SAMMSON: variants seen among roughly 807,000 people sequenced by gnomAD.
SAMMSON encodes the protein survival associated mitochondrial melanoma specific oncogenic non-coding RNA.
intron 1 of SAMMSON, among the ~76,000 whole-genome samples, chr3:70,008,273 C>A (rs1368753352): frequency 6.6e-6 from 1 of 152,188 alleles, no homozygotes; most frequent in Non-Finnish European, 1.5e-5. Context: ...TCTTCCTACC[C>A]ATGAGCATGG....
At chr3:70,247,471 T>C (rs1701718217) in intron 4 of SAMMSON, among the ~76,000 whole-genome samples, 1 of 151,724 alleles carries the variant, frequency 6.6e-6, no homozygotes, top group South Asian at 2.1e-4. Context: ...TCATATAATA[T>C]ATATTATCTA....
intron 9 of SAMMSON, among the ~76,000 whole-genome samples, chr3:70,362,069 T>C (rs915111816): frequency 4.6e-5 from 7 of 152,180 alleles, no homozygotes; most frequent in African/African-American, 1.7e-4. Context: ...AACCATCATT[T>C]ACAATTCTGT....
At chr3:70,003,137 A>G (rs1343665377) in intron 1 of SAMMSON, among the ~76,000 whole-genome samples, 1 of 152,064 alleles carries the variant, frequency 6.6e-6, no homozygotes, top group East Asian at 1.9e-4. Flanking sequence ...GACAGAAAAT[A>G]TATTTTGTTT....
At position 70,092,427 on chromosome 3, in the gene SAMMSON, T is replaced by C. The variant is rs77150895; in HGVS notation, n.507+20862T>C. Reference sequence around the variant, plus strand: ...ACTTCTACATTCCATTTCATCATCTTTCTTGATCAAACTCATGCTGTTTTT... The same window carrying C: ...ACTTCTACATTCCATTTCATCATCTCTCTTGATCAAACTCATGCTGTTTTT... On this transcript the variant is annotated intron_variant and non_coding_transcript_variant, in intron 4 of 9. Transcript: ENST00000642114. Among the ~76,000 whole-genome samples, 295 of 143,510 alleles carry C rather than the reference T, an allele frequency of 2.1e-3. 2 individuals are homozygous for C. Among genetic ancestry groups the C allele is most frequent in the African/African-American group, 7.4e-3 (286 of 38,450 alleles). 94.1% of individuals were successfully genotyped at this position (143,510 alleles called of 152,430 possible).
At chr3:70,234,631 C>T (rs1210913964) in intron 4 of SAMMSON, among the ~76,000 whole-genome samples, 1 of 148,704 alleles carries the variant, frequency 6.7e-6, no homozygotes, top group South Asian at 2.1e-4. Flanking sequence ...CCAAGTGAGA[C>T]CCTGGCTCAA....
chr3:70,241,719 G>A (rs899595302), intron 4 of SAMMSON, among the ~76,000 whole-genome samples: 4 of 152,172 alleles, frequency 2.6e-5, no homozygotes, highest in South Asian at 2.1e-4. Flanking sequence ...TAAACATTGC[G>A]GCTACTAAGG....
At chr3:70,225,211 TAAGAG>T (rs1264889167) in intron 4 of SAMMSON, among the ~76,000 whole-genome samples, 3 of 152,198 alleles carry the variant, frequency 2.0e-5, no homozygotes, top group African/African-American at 7.2e-5. Context: ...TTTGGTTTAA[TAAGAG>T]AAATGTATAA....
intron 4 of SAMMSON, chr3:70,125,123 T>G (rs2106669794): frequency 1.4e-6 from 2 of 1,481,044 alleles, no homozygotes; most frequent in East Asian, 4.5e-5. Flanking sequence ...TCGAGCAAAT[T>G]GAACCACCAT....
intron 3 of SAMMSON, among the ~76,000 whole-genome samples, chr3:70,033,094 C>G (rs1254863523): frequency 2.0e-5 from 3 of 152,036 alleles, no homozygotes; most frequent in Admixed American, 2.0e-4. Flanking sequence ...TAACATCTGA[C>G]GTGAGGGGAT....
intron 9 of SAMMSON, among the ~76,000 whole-genome samples, chr3:70,367,052 C>T (rs755867487): frequency 2.0e-5 from 3 of 151,592 alleles, no homozygotes; most frequent in Non-Finnish European, 3.0e-5. Flanking sequence ...TATAATTGTA[C>T]ATATTTATGG....
intron 3 of SAMMSON, chr3:70,014,828 TGTTA>T (rs1473786282): frequency 6.6e-6 from 1 of 152,136 alleles, no homozygotes; most frequent in Non-Finnish European, 1.5e-5. Flanking sequence ...AGACTTGTGG[TGTTA>T]GTTAAAGATT....
At chr3:70,231,997 T>C (rs1701564183) in intron 4 of SAMMSON, among the ~76,000 whole-genome samples, 1 of 152,188 alleles carries the variant, frequency 6.6e-6, no homozygotes, top group South Asian at 2.1e-4. Flanking sequence ...TGTCTGCTCC[T>C]TCCACCCTTC....
intron 9 of SAMMSON, among the ~76,000 whole-genome samples, chr3:70,373,911 T>TTTA (rs373295986): frequency 0.021 from 3,116 of 151,930 alleles, 81 homozygotes; most frequent in African/African-American, 0.062. Flanking sequence ...TGTTGATGGC[T>TTTA]TTATTATTAT....
chr3:70,197,166 G>A (rs935969489), intron 4 of SAMMSON: 3 of 398,278 alleles, frequency 7.5e-6, no homozygotes, highest in African/African-American at 6.2e-5. Flanking sequence ...GACAGGCGAG[G>A]ATAAGGGAGG....
At chr3:70,056,073 C>T (rs1177732390) in intron 3 of SAMMSON, among the ~76,000 whole-genome samples, 1 of 152,030 alleles carries the variant, frequency 6.6e-6, no homozygotes, top group Admixed American at 6.6e-5. Flanking sequence ...CAGACTGAGC[C>T]AGAGCCCCAT....
chr3:70,079,498 C>A (rs1352867325), intron 4 of SAMMSON, among the ~76,000 whole-genome samples: 1 of 152,172 alleles, frequency 6.6e-6, no homozygotes, highest in Non-Finnish European at 1.5e-5. Context: ...TCAGTAGAAG[C>A]TGTGCTTCAA....
chr3:70,155,917 T>A (rs2067590344), intron 4 of SAMMSON, among the ~76,000 whole-genome samples: 1 of 152,098 alleles, frequency 6.6e-6, no homozygotes, highest in African/African-American at 2.4e-5. Flanking sequence ...ATAGAGTTGC[T>A]AAATATTTAA....
chr3:70,190,822 G>T (rs2106711551), intron 4 of SAMMSON, among the ~76,000 whole-genome samples: 1 of 152,200 alleles, frequency 6.6e-6, no homozygotes, highest in East Asian at 1.9e-4. Flanking sequence ...TCACCTCCCA[G>T]GGGCAGTTTT....
intron 4 of SAMMSON, among the ~76,000 whole-genome samples, chr3:70,095,737 T>C (rs897220256): frequency 1.6e-4 from 25 of 152,316 alleles, no homozygotes; most frequent in African/African-American, 5.8e-4. Context: ...GAACTTAGGC[T>C]ATTTATGTGC....
Sources: gnomAD v4.1 joint callset for allele counts (sites outside exome capture counted in the v4.1 genomes callset) on GRCh38, gnomAD v4.1.1 for gene constraint, MANE v1.5 for transcripts, NCBI Gene and HGNC (gene_info 2026-07-23, HGNC 2026-07-21) for gene names.